Variants in NCOA2 observed in about 807,000 individuals in gnomAD.
The protein encoded by NCOA2 is nuclear receptor coactivator 2, also known as class E basic helix-loop-helix protein 75.
NCOA2 carries 21 observed loss-of-function variants against 145.1 expected under a neutral mutation model. The observed-to-expected ratio is 0.14, with a 90% CI of 0.10 to 0.21. The LOEUF (loss-of-function observed/expected upper bound fraction) is 0.21, where lower values mean the gene tolerates loss of function less well. Ranked by LOEUF, NCOA2 falls within the 10% of genes least tolerant of loss-of-function variation. The pLI is 1.00. For missense variants in NCOA2, 1,472 were observed against 1,837.6 expected (o/e 0.80, Z 3.64); for synonymous variants, 619 against 637.5 (o/e 0.97, Z 0.44).
intron 2 of NCOA2, among the ~76,000 whole-genome samples, chr8:70,232,775 T>C (rs1821247416): frequency 6.6e-6 from 1 of 151,924 alleles, no homozygotes; most frequent in Non-Finnish European, 1.5e-5. Context: ...TACCATTCAA[T>C]CTCAAATCTT....
At chr8:70,176,047 T>C (rs4737300) in intron 4 of NCOA2, among the ~76,000 whole-genome samples, 136,071 of 152,232 alleles carry the variant, frequency 0.89, 61,259 homozygotes, top group African/African-American at 0.95. Flanking sequence ...TCAAACTCAG[T>C]CACTAAGAAG....
chr8:70,413,605 A>G, the NCOA2 span, among the ~76,000 whole-genome samples: 41 of 152,316 alleles, frequency 2.7e-4, no homozygotes, highest in African/African-American at 9.9e-4. Flanking sequence ...GAAGAGTAAT[A>G]TACCCTTCAC....
At chr8:70,162,596 A>G in intron 9 of NCOA2, 115 bp downstream of exon 9, 1 of 1,095,028 alleles carries the variant, frequency 9.1e-7, no homozygotes, top group Non-Finnish European at 1.3e-6. Flanking sequence ...GGGCCAGATG[A>G]GACAGCTCAC....
chr8:70,409,717 T>C, the NCOA2 span, among the ~76,000 whole-genome samples: 1 of 150,200 alleles, frequency 6.7e-6, no homozygotes, highest in Non-Finnish European at 1.5e-5. Context: ...AATAAGTAAA[T>C]AAAAAAGCCA....
intron 2 of NCOA2, among the ~76,000 whole-genome samples, chr8:70,264,515 A>C (rs535804237): frequency 6.6e-6 from 1 of 152,114 alleles, no homozygotes; most frequent in Non-Finnish European, 1.5e-5. Context: ...CAACAACAAC[A>C]AAGTCTTATA....
intron 1 of NCOA2, among the ~76,000 whole-genome samples, chr8:70,349,166 C>T (rs999717555): frequency 1.3e-5 from 2 of 151,992 alleles, no homozygotes; most frequent in Non-Finnish European, 2.9e-5. Flanking sequence ...TGACGAGTAA[C>T]AGTATAGTCC....
chr8:70,186,079 ACT>A (rs759989274), intron 4 of NCOA2, among the ~76,000 whole-genome samples: 9 of 149,132 alleles, frequency 6.0e-5, no homozygotes, highest in East Asian at 2.0e-4. Flanking sequence ...ACACTCTCTC[ACT>A]CTCTCTCTCT....
At chr8:70,263,489 T>C (rs754974524) in intron 2 of NCOA2, among the ~76,000 whole-genome samples, 4 of 152,068 alleles carry the variant, frequency 2.6e-5, no homozygotes, top group African/African-American at 4.8e-5. Context: ...AAAAAGGTCA[T>C]CTTTTTCACC....
chr8:70,169,253 T>A (rs1813964123), intron 6 of NCOA2, among the ~76,000 whole-genome samples: 1 of 152,120 alleles, frequency 6.6e-6, no homozygotes, highest in Non-Finnish European at 1.5e-5. Flanking sequence ...TCCTTAATCA[T>A]CACGTACTCG....
intron 1 of NCOA2, among the ~76,000 whole-genome samples, chr8:70,354,668 A>G (rs1313570838): frequency 6.6e-6 from 1 of 152,204 alleles, no homozygotes; most frequent in Non-Finnish European, 1.5e-5. Flanking sequence ...TGACAATGGT[A>G]TCTACTAGGA....
chr8:70,165,906 G>A (rs1468062308), intron 7 of NCOA2, among the ~76,000 whole-genome samples: 2 of 152,180 alleles, frequency 1.3e-5, no homozygotes, highest in African/African-American at 2.4e-5. Flanking sequence ...TGCAACCTCC[G>A]CCTCTCAGGT....
intron 2 of NCOA2, among the ~76,000 whole-genome samples, chr8:70,247,263 T>G (rs770185154): frequency 1.1e-4 from 16 of 152,138 alleles, no homozygotes; most frequent in Non-Finnish European, 1.0e-4. Flanking sequence ...GAAATTCAAT[T>G]AGGAAATAAA....
rs568843173 is a variant in NCOA2, at chr8:70,235,463, A to T, written c.-19-18699T>A. Among the ~76,000 whole-genome samples the T allele has an allele frequency of 1.9e-4, 29 of 152,318 alleles. 1 individual carries two copies. The Middle Eastern group carries it at 0.01, about 54-fold the overall frequency. On this transcript the variant is annotated intron_variant, in intron 2 of 22. Coordinates refer to ENST00000452400, the MANE Select transcript of NCOA2 (RefSeq NM_006540.4). ...GATATTTTACCATAATAAAAAATTT[A>T]AAAAAATATTTAAAAACATCCAAGA...
At chr8:70,351,165 T>A (rs976234991) in intron 1 of NCOA2, among the ~76,000 whole-genome samples, 2 of 152,226 alleles carry the variant, frequency 1.3e-5, no homozygotes, top group Admixed American at 1.3e-4. Context: ...CTCTTAATAC[T>A]GTCACAATGG....
At chr8:70,121,548 T>C (rs1316960873) in intron 21 of NCOA2, among the ~76,000 whole-genome samples, 157 bp from the exon 22 acceptor site, 1 of 152,210 alleles carries the variant, frequency 6.6e-6, no homozygotes, top group African/African-American at 2.4e-5. Flanking sequence ...AGCTCTCCCA[T>C]GTACGTATTT....
chr8:70,191,379 G>A (rs1816654608), intron 4 of NCOA2, among the ~76,000 whole-genome samples: 1 of 152,142 alleles, frequency 6.6e-6, no homozygotes, highest in Non-Finnish European at 1.5e-5. Context: ...CTTCAGTACT[G>A]AAATAATGCC....
chr8:70,189,292 C>T (rs1816414304), intron 4 of NCOA2, among the ~76,000 whole-genome samples: 1 of 152,204 alleles, frequency 6.6e-6, no homozygotes, highest in Non-Finnish European at 1.5e-5. Context: ...TCAAGGAAAT[C>T]TCAGAATTTC....
chr8:70,189,515 A>T (rs1816448847), intron 4 of NCOA2, among the ~76,000 whole-genome samples: 2 of 152,156 alleles, frequency 1.3e-5, no homozygotes, highest in Non-Finnish European at 2.9e-5. Flanking sequence ...AGTGACCCAC[A>T]CTCTGGAGAA....
intron 2 of NCOA2, among the ~76,000 whole-genome samples, chr8:70,277,110 T>G (rs1212964331): frequency 6.6e-6 from 1 of 152,212 alleles, no homozygotes; most frequent in African/African-American, 2.4e-5. Context: ...TCTTTAATTT[T>G]TTTTCCCTCG....
Sources: allele counts gnomAD v4.1 joint callset (sites outside exome capture counted in the v4.1 genomes callset), GRCh38; gene constraint gnomAD v4.1.1; transcripts MANE v1.5; gene names NCBI Gene and HGNC (gene_info 2026-07-23, HGNC 2026-07-21).